The following CEP192 variants were observed in gnomAD, a reference collection of about 807,000 sequenced individuals.
The protein encoded by CEP192 is centrosomal protein of 192 kDa.
Under a neutral mutation model 271.8 loss-of-function variants are expected in CEP192, and 151 were observed. The observed-to-expected ratio is 0.56, with a 90% confidence interval of 0.49 to 0.64. The LOEUF (loss-of-function observed/expected upper bound fraction) is 0.64. Among genes scored for constraint, CEP192 ranks in the 30% least tolerant of loss-of-function variants. The pLI is 0.00. For synonymous variants in CEP192, 995 were observed against 1,076.5 expected (o/e 0.92, Z 1.48); for missense variants, 2,910 against 3,020.5 (o/e 0.96, Z 0.86).
At chr18:13,070,899 T>A (rs981956040) in intron 27 of CEP192, 140 bp from the exon 28 acceptor site, 6 of 651,152 alleles carry the variant, frequency 9.2e-6, no homozygotes, top group Non-Finnish European at 2.7e-6. Flanking sequence ...CTGTATTCTC[T>A]GCAGCACAAG....
At chr18:13,050,567 G>C (rs377710548) in intron 17 of CEP192, among the ~76,000 whole-genome samples, 2 of 151,060 alleles carry the variant, frequency 1.3e-5, no homozygotes, top group Non-Finnish European at 2.9e-5. Context: ...TTATTTAATA[G>C]TTAATTGCTT....
intron 33 of CEP192, among the ~76,000 whole-genome samples, chr18:13,090,236 T>G (rs908986268): frequency 1.3e-5 from 2 of 152,308 alleles, no homozygotes; most frequent in Admixed American, 1.3e-4. Flanking sequence ...TGCCCAAGAA[T>G]AGGGAGTTAT....
chr18:13,016,445 G>A (rs1264342041), intron 6 of CEP192, among the ~76,000 whole-genome samples: 1 of 152,204 alleles, frequency 6.6e-6, no homozygotes, highest in African/African-American at 2.4e-5. Flanking sequence ...TTGAAAGCCA[G>A]GCTGATGAGC....
At chr18:13,042,104 CT>C (rs2036239505) in intron 14 of CEP192, 99 bp from the exon 15 acceptor site, 3 of 931,274 alleles carry the variant, frequency 3.2e-6, no homozygotes, top group Admixed American at 5.1e-5. Flanking sequence ...ACAAAGACAT[CT>C]TCCTTGGTAA....
chr18:13,078,819 A>T (rs562530989), intron 30 of CEP192, among the ~76,000 whole-genome samples: 176 of 152,010 alleles, frequency 1.2e-3, no homozygotes, highest in African/African-American at 4.0e-3. Flanking sequence ...CATGTGTGTG[A>T]TGTTTCCCAC....
chr18:13,038,519 G>A lies in CEP192; in HGVS notation c.1749G>A (p.Glu583=). The change falls in exon 13 of 45, where the codon GAG becomes GAA. Residue 583 remains glutamate (E), a synonymous_variant. Coordinates refer to ENST00000506447, the MANE Select transcript of CEP192 (RefSeq NM_032142.4). ...GTTATTTACGTCTGTCTTTAGGAGAGTTCTTTGCTCAAAGATCTGAAGCTC... is the reference window on the plus strand; with the variant it reads ...GTTATTTACGTCTGTCTTTAGGAGAATTCTTTGCTCAAAGATCTGAAGCTC... ...DASYLRLSLG[E]FFAQRSEALG... is the part of the protein sequence containing the mutation. 1 of 1,551,690 alleles carries A rather than the reference G, an allele frequency of 6.4e-7. No homozygotes were observed. Among genetic ancestry groups the A allele is most frequent in the South Asian group, 1.2e-5 (1 of 84,066 alleles).
chr18:13,069,888 C>T (rs1301037503), intron 27 of CEP192, 32 bp downstream of exon 27: 2 of 1,304,956 alleles, frequency 1.5e-6, no homozygotes, highest in Non-Finnish European at 2.2e-6. Context: ...GGACCGGGCA[C>T]AGTGGCTCAT....
At chr18:13,001,204 A>T (rs1007220829) in intron 2 of CEP192, among the ~76,000 whole-genome samples, 15 of 152,272 alleles carry the variant, frequency 9.9e-5, no homozygotes, top group African/African-American at 3.4e-4. Context: ...TTTGGGCTGA[A>T]GGGGTTGTAT....
intron 4 of CEP192, among the ~76,000 whole-genome samples, chr18:13,010,902 G>C (rs1228389845): frequency 2.0e-5 from 3 of 151,890 alleles, no homozygotes; most frequent in East Asian, 3.9e-4. Flanking sequence ...AATATACCCA[G>C]TATCATTAGA....
intron 30 of CEP192, among the ~76,000 whole-genome samples, chr18:13,078,973 T>G (rs1402893279): frequency 6.6e-6 from 1 of 152,242 alleles, no homozygotes; most frequent in Non-Finnish European, 1.5e-5. Flanking sequence ...AACTCATCCT[T>G]TATTATGGCT....
At chr18:13,066,637 C>G (rs1025304627) in intron 21 of CEP192, among the ~76,000 whole-genome samples, 1 of 152,124 alleles carries the variant, frequency 6.6e-6, no homozygotes. Context: ...CTTTCATGTT[C>G]TTGCAAATAA....
At chr18:13,089,288 G>A (rs1019973687) in intron 32 of CEP192, among the ~76,000 whole-genome samples, 168 bp from the exon 33 acceptor site, 19 of 152,230 alleles carry the variant, frequency 1.2e-4, no homozygotes, top group Non-Finnish European at 2.6e-4. Context: ...ACTACCATGT[G>A]TAATTTTTCA....
At chr18:13,117,667 G>A in intron 44 of CEP192, 24 bp downstream of exon 44, 4 of 1,584,056 alleles carry the variant, frequency 2.5e-6, no homozygotes, top group Non-Finnish European at 3.5e-6. Flanking sequence ...AGATCACAGT[G>A]TTCTCATCAG....
At chr18:13,059,540 GTTAAACACTATT>G (rs1447401072) in intron 21 of CEP192, among the ~76,000 whole-genome samples, 5 of 152,144 alleles carry the variant, frequency 3.3e-5, no homozygotes, top group African/African-American at 1.2e-4. Flanking sequence ...AGAGTATAAG[GTTAAACACTATT>G]TTCCACTGAT....
intron 21 of CEP192, among the ~76,000 whole-genome samples, chr18:13,060,504 T>A (rs994625821): frequency 6.6e-6 from 1 of 152,226 alleles, no homozygotes; most frequent in African/African-American, 2.4e-5. Flanking sequence ...ACTATGATGT[T>A]ATGATGGCTA....
chr18:12,996,593 A>T (rs1322965378), intron 1 of CEP192, among the ~76,000 whole-genome samples: 1 of 152,096 alleles, frequency 6.6e-6, no homozygotes, highest in Non-Finnish European at 1.5e-5. Flanking sequence ...AGTTGATGGA[A>T]GAAGTTGAAG....
chr18:13,117,523 C>CTTA, intron 43 of CEP192, 62 bp from the exon 44 acceptor site: 1 of 1,201,010 alleles, frequency 8.3e-7, no homozygotes, highest in Non-Finnish European at 1.2e-6. Flanking sequence ...GCTTGGTATG[C>CTTA]TTATATATGC....
In CEP192 at chr18:13,099,577, A is replaced by G; in HGVS notation, c.6659A>G (p.Gln2220Arg). The G allele has an allele frequency of 6.6e-7, 1 of 1,517,168 alleles. No homozygotes were observed. The highest frequency in any genetic ancestry group is 8.9e-7 in the Non-Finnish European group (1 of 1,123,550). The allele number at this position is 1,517,168 out of a possible 1,614,324, so 94.0% of individuals were successfully genotyped here. A position where few individuals can be genotyped will look rare whatever the true frequency, so the allele number is the denominator to read the frequency against. The change falls in exon 37 of 45, where the codon CAG becomes CGG. Residue 2220 changes from glutamine to arginine, a missense_variant. By Grantham distance (43) the Gln-to-Arg change is conservative. Transcript: ENST00000506447. ...GLIYIHCDDGQKKIVKVQIRE... is the reference protein window; with the variant it reads ...GLIYIHCDDGRKKIVKVQIRE... ...ATCTATATACACTGTGACGATGGACAGAAGGTACTTTTAAAAGTGGTTTGG... is the reference window on the plus strand; with the variant it reads ...ATCTATATACACTGTGACGATGGACGGAAGGTACTTTTAAAAGTGGTTTGG...
chr18:13,118,268 C>G (rs1395244766), intron 44 of CEP192, among the ~76,000 whole-genome samples: 2 of 146,174 alleles, frequency 1.4e-5, no homozygotes, highest in Non-Finnish European at 3.0e-5. Flanking sequence ...ATCTTTGAAT[C>G]TTTAAGTCAT....
Sources: gnomAD v4.1 joint callset for allele counts (sites outside exome capture counted in the v4.1 genomes callset) on GRCh38, gnomAD v4.1.1 for gene constraint, MANE v1.5 for transcripts, NCBI Gene and HGNC (gene_info 2026-07-23, HGNC 2026-07-21) for gene names.